The following PAPSS1 variants were observed in gnomAD, a reference collection of about 807,000 sequenced individuals.
PAPSS1 encodes the protein bifunctional 3'-phosphoadenosine 5'-phosphosulfate synthase 1.
In PAPSS1, 50 loss-of-function variants were observed where a neutral mutation model predicts 72.0. The observed-to-expected ratio is 0.69, with a 90% CI of 0.55 to 0.88. PAPSS1 has a LOEUF of 0.88. Among genes scored for constraint, PAPSS1 ranks in the 40% least tolerant of loss-of-function variants. The probability of loss-of-function intolerance (pLI) is 0.00; values close to 1 mark genes in which losing one functional copy is unlikely to be tolerated. For synonymous variants in PAPSS1, 261 were observed against 263.6 expected (o/e 0.99, Z 0.09); for missense variants, 657 against 782.2 (o/e 0.84, Z 1.91).
intron 5 of PAPSS1, among the ~76,000 whole-genome samples, chr4:107,669,248 T>A (rs1727407745): frequency 6.6e-6 from 1 of 152,214 alleles, no homozygotes; most frequent in Non-Finnish European, 1.5e-5. Flanking sequence ...TTTCTAAGGA[T>A]GAACTTTGAG....
At chr4:107,697,206 G>A (rs1191001014) in intron 2 of PAPSS1, among the ~76,000 whole-genome samples, 1 of 152,352 alleles carries the variant, frequency 6.6e-6, no homozygotes, top group East Asian at 1.9e-4. Flanking sequence ...CTGCCCAGCT[G>A]AAACTTCAGA....
intron 5 of PAPSS1, among the ~76,000 whole-genome samples, chr4:107,660,304 T>C (rs1029091414): frequency 1.3e-5 from 2 of 152,040 alleles, no homozygotes; most frequent in Non-Finnish European, 2.9e-5. Context: ...ATTCCTAAAA[T>C]ATACTACATA....
intron 11 of PAPSS1, among the ~76,000 whole-genome samples, chr4:107,624,423 C>T (rs929453712): frequency 6.6e-6 from 1 of 152,186 alleles, no homozygotes; most frequent in African/African-American, 2.4e-5. Context: ...ATGACAATAT[C>T]TGCCTGTTTC....
rs546192270 is a variant in PAPSS1 at position 107,685,359 on chromosome 4, C to G, written c.550+1680G>C. ...GCCTACTCCAGCCAGGATGACAAAC[C>G]TTCCTCCCTCACCAATCCATTCTTT... On this transcript the variant is annotated intron_variant, in intron 4 of 11. Coordinates refer to ENST00000265174, the MANE Select transcript of PAPSS1 (RefSeq NM_005443.5). Among the ~76,000 whole-genome samples the G allele has an allele frequency of 3.6e-3, 551 of 152,320 alleles. 3 individuals carry two copies. The highest frequency in any genetic ancestry group is 0.013 in the South Asian group (64 of 4,826).
intron 11 of PAPSS1, among the ~76,000 whole-genome samples, chr4:107,614,981 T>A (rs1259470237): frequency 1.3e-5 from 2 of 149,552 alleles, no homozygotes; most frequent in African/African-American, 2.4e-5. Context: ...TTTTTTTTTT[T>A]CAAGAAAACA....
At chr4:107,638,167 C>A (rs934692113) in intron 10 of PAPSS1, among the ~76,000 whole-genome samples, 1 of 152,154 alleles carries the variant, frequency 6.6e-6, no homozygotes, top group Admixed American at 6.5e-5. Context: ...TGTACTGGTA[C>A]TGAACAGTAG....
At chr4:107,703,023 T>C (rs951950605) in intron 1 of PAPSS1, among the ~76,000 whole-genome samples, 5 of 152,176 alleles carry the variant, frequency 3.3e-5, no homozygotes, top group African/African-American at 1.2e-4. Context: ...TTGTCTTTTT[T>C]ATAACAGCCA....
chr4:107,672,755 T>A (rs1727523002), intron 5 of PAPSS1, among the ~76,000 whole-genome samples: 1 of 152,196 alleles, frequency 6.6e-6, no homozygotes, highest in African/African-American at 2.4e-5. Flanking sequence ...ATCTGAGAAC[T>A]GACAGACTGC....
chr4:107,686,914 T>A, intron 4 of PAPSS1, 125 bp downstream of exon 4: 1 of 886,778 alleles, frequency 1.1e-6, no homozygotes, highest in Admixed American at 2.6e-5. Context: ...GTAATAAGAC[T>A]ACATTCTCTC....
At chr4:107,671,145 T>C (rs960852120) in intron 5 of PAPSS1, among the ~76,000 whole-genome samples, 2 of 152,166 alleles carry the variant, frequency 1.3e-5, no homozygotes, top group African/African-American at 4.8e-5. Flanking sequence ...TACAGAATTA[T>C]AGTTAAAAAC....
At chr4:107,636,781 T>C (rs1307633768) in intron 10 of PAPSS1, among the ~76,000 whole-genome samples, 1 of 152,178 alleles carries the variant, frequency 6.6e-6, no homozygotes, top group Non-Finnish European at 1.5e-5. Context: ...GGTTTCAGAA[T>C]TGTCTTATCA....
intron 3 of PAPSS1, among the ~76,000 whole-genome samples, chr4:107,692,411 A>T (rs1408814752): frequency 6.6e-6 from 1 of 152,214 alleles, no homozygotes. Context: ...TCATTAGATA[A>T]ATGCAAACGA....
chr4:107,676,589 C>A (rs543488256), intron 5 of PAPSS1, among the ~76,000 whole-genome samples: 1 of 152,228 alleles, frequency 6.6e-6, no homozygotes, highest in African/African-American at 2.4e-5. Context: ...GAATCAATAT[C>A]ATGAAAATGG....
At chr4:107,703,573 C>G (rs548330289) in intron 1 of PAPSS1, among the ~76,000 whole-genome samples, 1 of 152,068 alleles carries the variant, frequency 6.6e-6, no homozygotes, top group Non-Finnish European at 1.5e-5. Context: ...TTCTTCTTCA[C>G]GCAGATATCC....
At chr4:107,635,542 T>C (rs1056057802) in intron 10 of PAPSS1, among the ~76,000 whole-genome samples, 1 of 152,124 alleles carries the variant, frequency 6.6e-6, no homozygotes, top group Non-Finnish European at 1.5e-5. Flanking sequence ...AGGAAATAGG[T>C]GGAGCAAATA....
intron 9 of PAPSS1, among the ~76,000 whole-genome samples, chr4:107,646,702 C>A (rs369038012): frequency 2.6e-4 from 40 of 152,110 alleles, no homozygotes; most frequent in East Asian, 1.2e-3. Context: ...CCCGTCAAGC[C>A]CCTCCCAACC....
At chr4:107,719,986 C>T (rs1723738134) in intron 1 of PAPSS1, 134 bp downstream of exon 1, 1 of 1,453,566 alleles carries the variant, frequency 6.9e-7, no homozygotes, top group Non-Finnish European at 9.0e-7. Flanking sequence ...CGGGAGGCGC[C>T]GCAGCCCCGG....
At chr4:107,632,131 AT>A (rs1157985338) in intron 10 of PAPSS1, among the ~76,000 whole-genome samples, 1 of 152,142 alleles carries the variant, frequency 6.6e-6, no homozygotes, top group Admixed American at 6.5e-5. Flanking sequence ...ATATGTAAAC[AT>A]ACATGTGTCT....
At chr4:107,662,800 G>A (rs1310595053) in intron 5 of PAPSS1, among the ~76,000 whole-genome samples, 1 of 152,056 alleles carries the variant, frequency 6.6e-6, no homozygotes, top group Non-Finnish European at 1.5e-5. Flanking sequence ...CCTTTGATCT[G>A]GTCTCCATCC....
Sources: gnomAD v4.1 joint callset for allele counts (sites outside exome capture counted in the v4.1 genomes callset) on GRCh38, gnomAD v4.1.1 for gene constraint, MANE v1.5 for transcripts, NCBI Gene and HGNC (gene_info 2026-07-23, HGNC 2026-07-21) for gene names.